The following HTATSF1 variants were observed in gnomAD, a reference collection of about 807,000 sequenced individuals.
The protein encoded by HTATSF1 is HIV-1 Tat specific factor 1.
A neutral mutation model predicts 46.1 loss-of-function variants in HTATSF1; 6 were observed. The observed-to-expected ratio is 0.13, with a 90% confidence interval of 0.07 to 0.26. The LOEUF is 0.26. HTATSF1 is among the 10% of genes least tolerant of loss of function. The probability of loss-of-function intolerance (pLI) is 1.00; values close to 1 mark genes in which losing one functional copy is unlikely to be tolerated. For missense variants in HTATSF1, 452 were observed against 559.9 expected (o/e 0.81, Z 1.94); for synonymous variants, 226 against 211.5 (o/e 1.07, Z -0.60).
intron 8 of HTATSF1, among the ~76,000 whole-genome samples, chrX:136,510,561 T>C (rs753950349): frequency 8.9e-6 from 1 of 112,473 alleles, no homozygotes; most frequent in African/African-American, 3.2e-5. Flanking sequence ...AGCTCAAATA[T>C]TAACTTTTTA....
intron 6 of HTATSF1, among the ~76,000 whole-genome samples, chrX:136,507,297 A>G (rs1168989870): frequency 8.9e-6 from 1 of 112,341 alleles, no homozygotes; most frequent in Non-Finnish European, 1.9e-5. Context: ...TCTGAAGGCT[A>G]ACATTTTTAA....
chrX:136,512,158 C>T lies in HTATSF1; in HGVS notation c.*145C>T. ...TTGAAGTGTTTCATTGTTACCTGTACCTAATGGTTTTAAATATATGTTAAT... is the reference window on the plus strand; with the variant it reads ...TTGAAGTGTTTCATTGTTACCTGTATCTAATGGTTTTAAATATATGTTAAT... On this transcript the variant is annotated 3_prime_UTR_variant, in exon 9 of 9. Transcript: ENST00000218364. 1.4e-5 allele frequency: 8 copies of T among 557,532 alleles called. No individual in the cohort carries two copies. The highest frequency in any genetic ancestry group is 2.2e-5 in the Non-Finnish European group (8 of 370,068). 45.9% of individuals were successfully genotyped at this position (557,532 alleles called of 1,213,427 possible).
chrX:136,499,251 C>T (rs1459893728), intron 1 of HTATSF1, among the ~76,000 whole-genome samples: 1 of 112,086 alleles, frequency 8.9e-6, no homozygotes, highest in Non-Finnish European at 1.9e-5. Flanking sequence ...CTGGTTCTTC[C>T]TTTGTTGTAT....
chrX:136,509,529 ATATTC>A (rs1458609481), intron 7 of HTATSF1, among the ~76,000 whole-genome samples: 1 of 111,982 alleles, frequency 8.9e-6, no homozygotes, highest in Non-Finnish European at 1.9e-5. Context: ...ATCAGGGACA[ATATTC>A]TCCTGTATAT....
At chrX:136,501,687 G>A (rs1603306079) in intron 4 of HTATSF1, among the ~76,000 whole-genome samples, 1 of 112,247 alleles carries the variant, frequency 8.9e-6, no homozygotes, top group African/African-American at 3.2e-5. Context: ...CACCACAGGT[G>A]TGTTGTGAGT....
Position 136,511,391 on chromosome X carries a change from A to T in HTATSF1, c.1646A>T (p.Asp549Val). 1 of 1,211,199 alleles carries T rather than the reference A, an allele frequency of 8.3e-7. No individual in the cohort carries two copies. Among genetic ancestry groups the T allele is most frequent in the Non-Finnish European group, 1.1e-6 (1 of 895,242 alleles). Reference protein sequence around the residue: ...SEEDDSEKESDEDCSEKQSED... With the variant: ...SEEDDSEKESVEDCSEKQSED... The stretch of plus-strand genomic sequence containing the variant: ...GAAGATGACTCAGAGAAAGAGTCTG[A>T]TGAAGACTGCTCTGAAAAACAGTCT... The change falls in exon 9 of 9, where the codon GAT becomes GTT. Residue 549 changes from aspartate to valine, a missense_variant. Asp to Val is a radical substitution (Grantham distance 152, BLOSUM62 -3). Transcript: ENST00000218364.
chrX:136,508,538 A>G (rs113821934), intron 6 of HTATSF1, among the ~76,000 whole-genome samples: 2 of 112,746 alleles, frequency 1.8e-5, no homozygotes, highest in African/African-American at 6.4e-5. Flanking sequence ...CCTTATTTGT[A>G]TGGTTCTGTT....
chrX:136,497,664 C>T lies in HTATSF1; in HGVS notation c.-21C>T, dbSNP rs1227546449. On this transcript the variant is annotated 5_prime_UTR_variant, in exon 1 of 9. Transcript: ENST00000218364. ...GGCCTCTTAGTTCTTCTGAACCCTG[C>T]TCCTGAGCTAGGTAGGAAACATGAG... 1.7e-6 allele frequency: 2 copies of T among 1,168,183 alleles called. No homozygotes were observed. The highest frequency in any genetic ancestry group is 2.2e-5 in the Admixed American group (1 of 44,601).
chrX:136,502,048 C>T (rs1362428620), intron 4 of HTATSF1, among the ~76,000 whole-genome samples: 4 of 111,535 alleles, frequency 3.6e-5, no homozygotes, highest in Admixed American at 2.9e-4. Flanking sequence ...ATGTGAGCAG[C>T]TGAGTTCAGT....
At position 136,512,143 on chromosome X, in the gene HTATSF1, TC is replaced by T; in HGVS notation, c.*131del. 1 of 680,303 alleles carries T rather than the reference TC, an allele frequency of 1.5e-6. No individual in the cohort carries two copies. The highest frequency in any genetic ancestry group is 2.2e-6 in the Non-Finnish European group (1 of 463,751). 56.1% of individuals were successfully genotyped at this position (680,303 alleles called of 1,213,427 possible). ...CATCAGATTAAAGCATTGAAGTGTTTCATTGTTACCTGTACCTAATGGTTTT... is the reference window on the plus strand; with the variant it reads ...CATCAGATTAAAGCATTGAAGTGTTTATTGTTACCTGTACCTAATGGTTTT... On this transcript the variant is annotated 3_prime_UTR_variant, in exon 9 of 9. Coordinates refer to ENST00000218364, the MANE Select transcript of HTATSF1 (RefSeq NM_014500.5).
intron 4 of HTATSF1, among the ~76,000 whole-genome samples, chrX:136,501,941 GAAAAAAATTGAGTTTT>G (rs777494533): frequency 4.5e-5 from 5 of 111,445 alleles, no homozygotes; most frequent in African/African-American, 1.3e-4. Flanking sequence ...ATTTTTAAAG[GAAAAAAATTGAGTTTT>G]GAGACCCATA....
chrX:136,508,941 T>C (rs1355335045), intron 6 of HTATSF1, 150 bp from the exon 7 acceptor site: 6 of 454,051 alleles, frequency 1.3e-5, no homozygotes, highest in Non-Finnish European at 1.9e-5. Context: ...TTATTTGATT[T>C]TGAGTTTTTA....
In HTATSF1 at chrX:136,499,728, C is replaced by T. The variant is rs747916677; in HGVS notation, c.317C>T (p.Pro106Leu). ...GAGGAACCTCCACAAGAAAAAGCCC[C>T]GGAACCCACTGATGCCAGAAAGAAG... The part of the protein sequence containing the change: ...TAEEPPQEKA[P>L]EPTDARKKGE... Residue 106 changes from proline (P) to leucine (L), a missense_variant, in exon 2 of 9, where the codon CCG becomes CTG. By Grantham distance (98) the Pro-to-Leu change is moderately conservative. Coordinates refer to ENST00000218364, the MANE Select transcript of HTATSF1 (RefSeq NM_014500.5). 6.7e-6 allele frequency: 8 copies of T among 1,189,728 alleles called. No homozygotes were observed. The highest frequency in any genetic ancestry group is 1.9e-5 in the South Asian group (1 of 52,398).
At chrX:136,507,469 G>A (rs1172387632) in intron 6 of HTATSF1, among the ~76,000 whole-genome samples, 1 of 110,114 alleles carries the variant, frequency 9.1e-6, no homozygotes, top group Non-Finnish European at 1.9e-5. Context: ...GCTGAGGCAC[G>A]AGGATCACTT....
At chrX:136,502,383 A>G (rs1266207231) in intron 4 of HTATSF1, among the ~76,000 whole-genome samples, 1 of 112,043 alleles carries the variant, frequency 8.9e-6, no homozygotes, top group Non-Finnish European at 1.9e-5. Flanking sequence ...TTGTGGCCTC[A>G]AGAGACAAAA....
At chrX:136,503,003 G>A in intron 5 of HTATSF1, 62 bp downstream of exon 5, 1 of 776,102 alleles carries the variant, frequency 1.3e-6, no homozygotes, top group Non-Finnish European at 1.8e-6. Context: ...TTTGGTAATA[G>A]CCATCTAGTT....
rs778406408 is a variant in HTATSF1, at chrX:136,504,381, C to T, written c.752C>T (p.Pro251Leu). 1.7e-5 allele frequency: 20 copies of T among 1,209,318 alleles called. No individual in the cohort carries two copies. In the East Asian group the frequency reaches 5.9e-4, roughly 36 times the overall value. ...SMQQKQLDWRPERRAGPSRMR... is the reference protein window; with the variant it reads ...SMQQKQLDWRLERRAGPSRMR... Reference sequence around the variant, plus strand: ...TGCCTCAGGCAGTTGGATTGGAGACCTGAGAGGCGAGCCGGACCATCCCGG... The same window carrying T: ...TGCCTCAGGCAGTTGGATTGGAGACTTGAGAGGCGAGCCGGACCATCCCGG... Residue 251 changes from proline to leucine, a missense_variant, in exon 6 of 9, where the codon CCT becomes CTT. By Grantham distance (98) the Pro-to-Leu change is moderately conservative. Transcript: ENST00000218364.
In HTATSF1 at chrX:136,511,706, A is replaced by G. The variant is rs774911257; in HGVS notation, c.1961A>G (p.Lys654Arg). ...GAGGATGAAGAATATGCAGATGAAAAGGGGCTTGAAGCTGCTGATAAAAAG... is the reference window on the plus strand; with the variant it reads ...GAGGATGAAGAATATGCAGATGAAAGGGGGCTTGAAGCTGCTGATAAAAAG... ...EKEDEEYADE[K>R]GLEAADKKAE... The change falls in exon 9 of 9, where the codon AAG (lysine) becomes AGG (arginine). Residue 654 changes from lysine to arginine, a missense_variant. By Grantham distance (26) the Lys-to-Arg change is conservative (BLOSUM62 2). Transcript: ENST00000218364. 1.5e-5 allele frequency: 18 copies of G among 1,209,437 alleles called. No homozygotes were observed. The highest frequency in any genetic ancestry group is 2.0e-5 in the Non-Finnish European group (18 of 894,752).
chrX:136,510,022 G>T (rs1479687743), intron 7 of HTATSF1, 60 bp from the exon 8 acceptor site: 1 of 1,062,944 alleles, frequency 9.4e-7, no homozygotes. Flanking sequence ...TTTGTGAAAT[G>T]TATGTGTTTT....
Sources: gnomAD v4.1 joint callset for allele counts (sites outside exome capture counted in the v4.1 genomes callset) on GRCh38, gnomAD v4.1.1 for gene constraint, MANE v1.5 for transcripts, NCBI Gene and HGNC (gene_info 2026-07-23, HGNC 2026-07-21) for gene names.